Variants in SOX6 observed in about 807,000 individuals in gnomAD.
SOX6 encodes the protein transcription factor SOX-6.
SOX6 carries 11 observed loss-of-function variants against 97.8 expected under a neutral mutation model. The ratio of observed to expected loss-of-function variants is 0.11; its 90% confidence interval spans 0.07 to 0.19. SOX6 has a LOEUF of 0.19. SOX6 is among the 10% of genes least tolerant of loss of function. The pLI, the probability that SOX6 is intolerant of heterozygous loss-of-function variation, is 1.00. For synonymous variants in SOX6, 360 were observed against 371.4 expected (o/e 0.97, Z 0.35); for missense variants, 810 against 1,039.5 (o/e 0.78, Z 3.04).
chr11:16,486,345 C>T (rs1170518242), intron 4 of SOX6, among the ~76,000 whole-genome samples: 1 of 152,084 alleles, frequency 6.6e-6, no homozygotes, highest in African/African-American at 2.4e-5. Flanking sequence ...ATGCCCCTTG[C>T]TTTTCTTATC....
intron 4 of SOX6, among the ~76,000 whole-genome samples, chr11:16,544,402 G>A (rs1386054232): frequency 6.6e-6 from 1 of 152,016 alleles, no homozygotes; most frequent in Non-Finnish European, 1.5e-5. Context: ...GAGACCACAG[G>A]CATGAGCTAC....
At chr11:16,522,762 C>T (rs1292680936) in intron 4 of SOX6, among the ~76,000 whole-genome samples, 1 of 152,000 alleles carries the variant, frequency 6.6e-6, no homozygotes, top group East Asian at 1.9e-4. Flanking sequence ...CACACATAGG[C>T]TCAAAATAAA....
intron 3 of SOX6, among the ~76,000 whole-genome samples, chr11:16,681,589 AG>A (rs1356595834): frequency 1.3e-5 from 2 of 152,230 alleles, no homozygotes; most frequent in Non-Finnish European, 2.9e-5. Flanking sequence ...AGCTAGCAGA[AG>A]GCAAGAAATA....
chr11:16,028,608 T>C (rs1855272921), intron 12 of SOX6, among the ~76,000 whole-genome samples: 1 of 152,194 alleles, frequency 6.6e-6, no homozygotes, highest in Admixed American at 6.5e-5. Context: ...CTCTGATTAT[T>C]GCAGTCTCAA....
chr11:16,116,311 T>C (rs1849346910), intron 6 of SOX6, among the ~76,000 whole-genome samples: 1 of 152,156 alleles, frequency 6.6e-6, no homozygotes, highest in Non-Finnish European at 1.5e-5. Flanking sequence ...CCCTGTAAGG[T>C]ACTAACTACT....
intron 6 of SOX6, among the ~76,000 whole-genome samples, chr11:16,135,099 A>G (rs1002903589): frequency 6.6e-5 from 10 of 152,168 alleles, no homozygotes; most frequent in African/African-American, 4.8e-5. Flanking sequence ...GGATGAAAAC[A>G]TATCTGTTTA....
chr11:16,663,578 C>A (rs1439983581), intron 3 of SOX6, among the ~76,000 whole-genome samples: 2 of 152,148 alleles, frequency 1.3e-5, no homozygotes, highest in Non-Finnish European at 2.9e-5. Context: ...CCACCTCAGC[C>A]CTGCTGGGAT....
In SOX6 at chr11:16,510,256, G is replaced by C. The variant is rs542392795; in HGVS notation, n.610-33868C>G. 2.0e-5 allele frequency among the ~76,000 whole-genome samples: 3 copies of C among 152,122 alleles called. No homozygotes were observed. In the East Asian group the frequency reaches 5.8e-4, roughly 29 times the overall value. ...TCCTGAATTTACATTTAAACATACA[G>C]GTAGTTTTACTCATTTACTTCCTTT... is the stretch of plus-strand genomic sequence containing the variant. On this transcript the variant is annotated intron_variant and non_coding_transcript_variant, in intron 4 of 5. Transcript: ENST00000524520.
chr11:16,542,722 T>C (rs1424573649), intron 4 of SOX6, among the ~76,000 whole-genome samples: 1 of 152,174 alleles, frequency 6.6e-6, no homozygotes, highest in Non-Finnish European at 1.5e-5. Flanking sequence ...TCCATTTAAA[T>C]TCTGTTGAGC....
At chr11:16,150,409 CG>C (rs1275414087) in intron 6 of SOX6, among the ~76,000 whole-genome samples, 3 of 152,112 alleles carry the variant, frequency 2.0e-5, no homozygotes, top group African/African-American at 7.2e-5. Flanking sequence ...TGGGATGGGA[CG>C]GTCATGAATA....
intron 4 of SOX6, among the ~76,000 whole-genome samples, chr11:16,203,702 A>G (rs937688524): frequency 3.3e-5 from 5 of 152,152 alleles, no homozygotes; most frequent in African/African-American, 1.2e-4. Flanking sequence ...TAATTGAGCA[A>G]TCAAGAGCAG....
intron 3 of SOX6, among the ~76,000 whole-genome samples, chr11:16,239,365 G>T (rs1853117207): frequency 6.6e-6 from 1 of 151,970 alleles, no homozygotes; most frequent in Admixed American, 6.6e-5. Context: ...AAGAACAAGG[G>T]AGTATAAATA....
At chr11:16,637,152 A>T (rs561651260) in intron 3 of SOX6, among the ~76,000 whole-genome samples, 52 of 152,008 alleles carry the variant, frequency 3.4e-4, no homozygotes, top group African/African-American at 1.2e-3. Context: ...CCATTCATTT[A>T]TATTCTTAAT....
intron 6 of SOX6, among the ~76,000 whole-genome samples, chr11:16,116,173 A>C (rs1457194557): frequency 6.6e-6 from 1 of 152,200 alleles, no homozygotes; most frequent in East Asian, 1.9e-4. Flanking sequence ...GTCTAATTAC[A>C]TAAGTAATAA....
At chr11:16,498,132 T>G (rs1304599569) in intron 4 of SOX6, among the ~76,000 whole-genome samples, 1 of 152,196 alleles carries the variant, frequency 6.6e-6, no homozygotes, top group African/African-American at 2.4e-5. Context: ...GCAGAAACTC[T>G]ACAAGCCAGA....
rs144407724 is a variant in SOX6 at position 16,539,992 on chromosome 11, C to T, written n.610-63604G>A. Among the ~76,000 whole-genome samples the T allele has an allele frequency of 1.5e-3, 222 of 152,108 alleles. 1 individual carries two copies. Among genetic ancestry groups the T allele is most frequent in the African/African-American group, 4.8e-3 (199 of 41,480 alleles). On this transcript the variant is annotated intron_variant and non_coding_transcript_variant, in intron 4 of 5. Transcript: ENST00000524520. ...TATGAGGCCAGCATCATCCTGATGC[C>T]AAAGCTTGGCAGGGACACAACAAAA...
intron 4 of SOX6, among the ~76,000 whole-genome samples, chr11:16,579,958 T>C (rs1347310843): frequency 6.6e-6 from 1 of 152,150 alleles, no homozygotes; most frequent in Admixed American, 6.5e-5. Context: ...CAAGGCATTG[T>C]CAGTCTTTTT....
chr11:16,340,046 GA>G (rs1389868377), intron 2 of SOX6, among the ~76,000 whole-genome samples: 2 of 151,932 alleles, frequency 1.3e-5, no homozygotes, highest in Non-Finnish European at 2.9e-5. Flanking sequence ...AAAATCATCT[GA>G]AAAAGAAAAA....
chr11:16,173,841 T>C (rs1375576585), intron 6 of SOX6, among the ~76,000 whole-genome samples: 1 of 150,810 alleles, frequency 6.6e-6, no homozygotes, highest in Non-Finnish European at 1.5e-5. Context: ...TTTATATTAT[T>C]TATTTATTTT....
Sources: allele counts gnomAD v4.1 joint callset (sites outside exome capture counted in the v4.1 genomes callset), GRCh38; gene constraint gnomAD v4.1.1; transcripts MANE v1.5; gene names NCBI Gene and HGNC (gene_info 2026-07-23, HGNC 2026-07-21).